NPFFR2: variants seen among roughly 807,000 people sequenced by gnomAD.
NPFFR2 encodes neuropeptide FF receptor 2.
A neutral mutation model predicts 13.1 loss-of-function variants in NPFFR2; 15 were observed. That is an observed-to-expected ratio of 1.15 (90% CI 0.77 to 1.76). The LOEUF (loss-of-function observed/expected upper bound fraction) is 1.76, where lower values mean the gene tolerates loss of function less well. Among genes scored for constraint, NPFFR2 ranks in the 40% most tolerant of loss-of-function variants. The pLI is 0.00. For missense variants in NPFFR2, 572 were observed against 503.5 expected, an observed-to-expected ratio of 1.14 and a Z score of -1.30; for synonymous variants, 190 against 175.7, an observed-to-expected ratio of 1.08 and a Z score of -0.65.
At chr4:72,120,617 G>A (rs1721843841) in intron 1 of NPFFR2, among the ~76,000 whole-genome samples, 1 of 152,192 alleles carries the variant, frequency 6.6e-6, no homozygotes, top group South Asian at 2.1e-4. Context: ...GGCAAATAGG[G>A]TCTGGAGTGA....
At chr4:72,102,821 G>T (rs898728282) in intron 1 of NPFFR2, among the ~76,000 whole-genome samples, 2 of 151,892 alleles carry the variant, frequency 1.3e-5, no homozygotes, top group African/African-American at 4.8e-5. Flanking sequence ...GAATAGTGCC[G>T]CAGGAAACAT....
At chr4:72,074,883 A>G (rs1385122304) in intron 1 of NPFFR2, among the ~76,000 whole-genome samples, 1 of 104,662 alleles carries the variant, frequency 9.6e-6, no homozygotes, top group African/African-American at 3.3e-5. Context: ...AACTAATGTC[A>G]GACAACATAG....
rs5859300 is a variant in NPFFR2 at position 72,062,522 on chromosome 4, T to TAAA, written c.-8+30335_-8+30337dup. On this transcript the variant is annotated intron_variant, in intron 1 of 3. Transcript: ENST00000308744. ...AGACTAGGTATACTGTAATAGATTG[T>TAAA]AAAAAAAAAAAAAAAGAAGTCGTGA... 2.9e-3 allele frequency among the ~76,000 whole-genome samples: 436 copies of TAAA among 148,882 alleles called. 2 individuals are homozygous for TAAA. Among genetic ancestry groups the TAAA allele is most frequent in the African/African-American group, 0.011 (428 of 40,752 alleles).
intron 1 of NPFFR2, among the ~76,000 whole-genome samples, chr4:72,054,125 T>C (rs1426176811): frequency 6.6e-6 from 1 of 151,970 alleles, no homozygotes; most frequent in African/African-American, 2.4e-5. Flanking sequence ...AGCATGCTTT[T>C]TTTGAAGAAA....
chr4:72,038,763 ACT>A (rs1719110370), intron 1 of NPFFR2, among the ~76,000 whole-genome samples: 1 of 151,988 alleles, frequency 6.6e-6, no homozygotes, highest in Non-Finnish European at 1.5e-5. Context: ...TAGCCATTCC[ACT>A]GTTTTCACTG....
intron 1 of NPFFR2, among the ~76,000 whole-genome samples, chr4:72,086,471 A>T (rs747198194): frequency 3.3e-5 from 5 of 152,066 alleles, no homozygotes; most frequent in Admixed American, 6.6e-5. Context: ...CTTAGAATGT[A>T]AGCTAGCAAA....
chr4:72,052,867 T>C (rs1207183135), intron 1 of NPFFR2, among the ~76,000 whole-genome samples: 1 of 151,978 alleles, frequency 6.6e-6, no homozygotes, highest in African/African-American at 2.4e-5. Context: ...CAGACACTCC[T>C]TTCTATTAAT....
intron 1 of NPFFR2, among the ~76,000 whole-genome samples, chr4:72,085,683 G>T (rs1720746710): frequency 6.6e-6 from 1 of 152,084 alleles, no homozygotes; most frequent in Non-Finnish European, 1.5e-5. Context: ...AGGCTGATGG[G>T]ACAATCCAGA....
At chr4:72,135,821 T>G (rs1578479512) in intron 2 of NPFFR2, among the ~76,000 whole-genome samples, 1 of 152,098 alleles carries the variant, frequency 6.6e-6, no homozygotes, top group African/African-American at 2.4e-5. Flanking sequence ...TTAATTTGTT[T>G]TTTTTTTAGT....
rs374891307 is a variant in NPFFR2, at chr4:72,147,545, T to G, written c.996T>G (p.Ile332Met). 2 of 1,614,068 alleles carry G rather than the reference T, an allele frequency of 1.2e-6. No homozygotes were observed. The highest frequency in any genetic ancestry group is 2.7e-5 in the African/African-American group (2 of 74,922). ...GCAACAGCAGTGTCAATCCCATCAT[T>G]TATGGTTTCTTCAACGAGAATTTCC... ...AFGNSSVNPI[I>M]YGFFNENFRR... Residue 332 changes from isoleucine to methionine, a missense_variant, in exon 4 of 4, where the codon ATT becomes ATG. Transcript: ENST00000308744.
chr4:72,043,849 G>T (rs906997547), intron 1 of NPFFR2, among the ~76,000 whole-genome samples: 1 of 152,186 alleles, frequency 6.6e-6, no homozygotes, highest in Non-Finnish European at 1.5e-5. Context: ...GGAAGGGCAT[G>T]ATTGTGTTAT....
chr4:72,117,140 G>T (rs932629179), intron 1 of NPFFR2, among the ~76,000 whole-genome samples: 1 of 152,088 alleles, frequency 6.6e-6, no homozygotes, highest in Admixed American at 6.6e-5. Context: ...GCTATAGCCT[G>T]TAAGCCAGGC....
chr4:72,073,125 A>G (rs1720310836), intron 1 of NPFFR2, among the ~76,000 whole-genome samples: 3 of 152,080 alleles, frequency 2.0e-5, no homozygotes, highest in Admixed American at 2.0e-4. Context: ...CTAAAAGAGC[A>G]AACAAAGAAA....
At chr4:72,042,063 A>G (rs1407997003) in intron 1 of NPFFR2, among the ~76,000 whole-genome samples, 1 of 152,132 alleles carries the variant, frequency 6.6e-6, no homozygotes, top group Admixed American at 6.5e-5. Flanking sequence ...GCCATGGCCA[A>G]TAATATGGCT....
At chr4:72,140,773 T>C (rs1722583200) in intron 3 of NPFFR2, among the ~76,000 whole-genome samples, 1 of 152,220 alleles carries the variant, frequency 6.6e-6, no homozygotes, top group African/African-American at 2.4e-5. Context: ...GATGCTGGCC[T>C]CATAAAATGA....
chr4:72,059,135 T>C (rs1363832178), intron 1 of NPFFR2, among the ~76,000 whole-genome samples: 1 of 152,108 alleles, frequency 6.6e-6, no homozygotes, highest in Non-Finnish European at 1.5e-5. Flanking sequence ...CCTCTAGTAC[T>C]CATGTGTCTT....
chr4:72,045,551 T>C (rs1329067960), intron 1 of NPFFR2, among the ~76,000 whole-genome samples: 1 of 152,152 alleles, frequency 6.6e-6, no homozygotes, highest in Non-Finnish European at 1.5e-5. Context: ...AAACCCATGG[T>C]TAAGTTGAAA....
intron 1 of NPFFR2, among the ~76,000 whole-genome samples, chr4:72,090,991 G>T (rs750484611): frequency 7.3e-5 from 11 of 151,484 alleles, no homozygotes; most frequent in Non-Finnish European, 1.2e-4. Context: ...TTAATTATCT[G>T]CCAGTTTTGC....
intron 1 of NPFFR2, among the ~76,000 whole-genome samples, chr4:72,045,938 A>G (rs1719366573): frequency 6.6e-6 from 1 of 152,186 alleles, no homozygotes; most frequent in Admixed American, 6.5e-5. Flanking sequence ...CTGATTTCAT[A>G]CAATTAAAAA....
Sources: gnomAD v4.1 joint callset for allele counts (sites outside exome capture counted in the v4.1 genomes callset) on GRCh38, gnomAD v4.1.1 for gene constraint, MANE v1.5 for transcripts, NCBI Gene and HGNC (gene_info 2026-07-23, HGNC 2026-07-21) for gene names.